Variants in TSC22D1 observed in about 807,000 individuals in gnomAD.
TSC22D1 encodes the protein TSC22 domain family member 1.
In TSC22D1, 9 loss-of-function variants were observed where a neutral mutation model predicts 74.2. The observed-to-expected ratio is 0.12, with a 90% confidence interval of 0.07 to 0.21. TSC22D1 has a LOEUF of 0.21. TSC22D1 is among the 10% of genes least tolerant of loss of function. The pLI, the probability that TSC22D1 is intolerant of heterozygous loss-of-function variation, is 1.00. For synonymous variants in TSC22D1, 586 were observed against 492.5 expected, an observed-to-expected ratio of 1.19 and a Z score of -2.51; for missense variants, 1,427 against 1,304.7, an observed-to-expected ratio of 1.09 and a Z score of -1.44.
At chr13:44,522,974 A>G (rs774534977) in intron 1 of TSC22D1, among the ~76,000 whole-genome samples, 13 of 152,058 alleles carry the variant, frequency 8.5e-5, no homozygotes, top group South Asian at 6.2e-4. Flanking sequence ...AACACACAAT[A>G]AAGAAAAAAT....
intron 1 of TSC22D1, among the ~76,000 whole-genome samples, chr13:44,460,080 C>T (rs889819569): frequency 6.6e-6 from 1 of 152,160 alleles, no homozygotes; most frequent in Admixed American, 6.5e-5. Flanking sequence ...AAGCGACACC[C>T]CAAGGATCCT....
chr13:44,551,208 T>C (rs1882214384), intron 1 of TSC22D1, among the ~76,000 whole-genome samples: 1 of 150,412 alleles, frequency 6.6e-6, no homozygotes, highest in African/African-American at 2.5e-5. Context: ...GGGGCAGAAG[T>C]GGCAGTGATC....
intron 1 of TSC22D1, among the ~76,000 whole-genome samples, chr13:44,495,588 A>G (rs1292224098): frequency 6.6e-6 from 1 of 152,226 alleles, no homozygotes; most frequent in Non-Finnish European, 1.5e-5. Flanking sequence ...ATCTACATAA[A>G]ACAATAATCA....
chr13:44,490,835 T>C (rs777540692), intron 1 of TSC22D1, among the ~76,000 whole-genome samples: 19 of 151,440 alleles, frequency 1.3e-4, no homozygotes, highest in Admixed American at 2.0e-4. Flanking sequence ...AGGTGGAGGT[T>C]GCGGTGAGCC....
chr13:44,441,182 A>G (rs1030057397), intron 1 of TSC22D1, among the ~76,000 whole-genome samples: 6 of 152,316 alleles, frequency 3.9e-5, no homozygotes, highest in Non-Finnish European at 8.8e-5. Flanking sequence ...GCTGCTGGAC[A>G]AGCCCAAGCT....
chr13:44,462,641 A>C (rs1323301515), intron 1 of TSC22D1, among the ~76,000 whole-genome samples: 1 of 152,194 alleles, frequency 6.6e-6, no homozygotes, highest in East Asian at 1.9e-4. Flanking sequence ...CAAGATCTGT[A>C]AAGTGTCCAT....
intron 1 of TSC22D1, among the ~76,000 whole-genome samples, chr13:44,455,490 T>C (rs1359636711): frequency 6.6e-6 from 1 of 152,242 alleles, no homozygotes; most frequent in Non-Finnish European, 1.5e-5. Flanking sequence ...GTTCTGCACT[T>C]AATAGCAATA....
At chr13:44,536,188 G>C (rs1443132315) in intron 1 of TSC22D1, among the ~76,000 whole-genome samples, 1 of 151,534 alleles carries the variant, frequency 6.6e-6, no homozygotes, top group African/African-American at 2.4e-5. Flanking sequence ...ATTTCTTTCA[G>C]AGTATTAATT....
intron 1 of TSC22D1, among the ~76,000 whole-genome samples, chr13:44,493,144 A>G (rs991113602): frequency 6.6e-6 from 1 of 152,228 alleles, no homozygotes; most frequent in Non-Finnish European, 1.5e-5. Flanking sequence ...GTTTACAGCA[A>G]CTAAGTAAAT....
At chr13:44,484,833 C>T (rs1366510514) in intron 1 of TSC22D1, among the ~76,000 whole-genome samples, 1 of 152,098 alleles carries the variant, frequency 6.6e-6, no homozygotes, top group East Asian at 1.9e-4. Context: ...GGACTGATTA[C>T]CAGAAGATAT....
intron 1 of TSC22D1, among the ~76,000 whole-genome samples, chr13:44,566,461 T>C (rs1331066145): frequency 1.3e-5 from 2 of 152,246 alleles, no homozygotes; most frequent in African/African-American, 4.8e-5. Context: ...ACTGAAATTC[T>C]GAATTACATA....
chr13:44,574,816 T>C lies in TSC22D1; in HGVS notation c.1259A>G (p.Lys420Arg), dbSNP rs762718964. The C allele has an allele frequency of 6.2e-7, 1 of 1,614,134 alleles. No homozygotes were observed. Among genetic ancestry groups the C allele is most frequent in the South Asian group, 1.1e-5 (1 of 91,086 alleles). Residue 420 changes from lysine to arginine, a missense_variant, in exon 1 of 3, where the codon AAA (lysine) becomes AGA (arginine). Transcript: ENST00000458659. ...CTCAGTGCAAGTCCATCTACCTTTT[T>C]TAAAGGGCTCAGAACTAGAATCTAA... is the stretch of plus-strand genomic sequence containing the variant. The part of the protein sequence containing the change: ...VKLDSSSEPF[K>R]KGRWTCTEFY...
chr13:44,456,711 G>C (rs746237584), intron 1 of TSC22D1, among the ~76,000 whole-genome samples: 33 of 152,024 alleles, frequency 2.2e-4, no homozygotes, highest in Admixed American at 1.3e-3. Flanking sequence ...AAAATAAGAG[G>C]AGGACAACAT....
At chr13:44,530,480 G>A (rs1028826044) in intron 1 of TSC22D1, among the ~76,000 whole-genome samples, 5 of 151,962 alleles carry the variant, frequency 3.3e-5, no homozygotes, top group Non-Finnish European at 7.4e-5. Flanking sequence ...GAAAATCTAG[G>A]TGGCCTTAAA....
At chr13:44,434,968 T>G (rs895681228) in intron 2 of TSC22D1, 85 bp from the exon 3 acceptor site, 1 of 1,171,772 alleles carries the variant, frequency 8.5e-7, no homozygotes, top group Admixed American at 2.2e-5. Context: ...TTTACATGGA[T>G]CTCCCTAACT....
intron 1 of TSC22D1, chr13:44,537,407 G>A: frequency 2.0e-6 from 2 of 985,042 alleles, no homozygotes; most frequent in Non-Finnish European, 2.4e-6. Flanking sequence ...AAGGAACAGA[G>A]CTAAAATTCA....
intron 1 of TSC22D1, among the ~76,000 whole-genome samples, chr13:44,438,616 G>C (rs1005683469): frequency 6.6e-6 from 1 of 151,874 alleles, no homozygotes; most frequent in Admixed American, 6.6e-5. Context: ...AAATTTTAAG[G>C]CTTGGCTTTT....
chr13:44,489,206 CAAA>C (rs34867283), intron 1 of TSC22D1, among the ~76,000 whole-genome samples: 15 of 134,680 alleles, frequency 1.1e-4, no homozygotes, highest in Non-Finnish European at 1.2e-4. Flanking sequence ...TCATTTCATG[CAAA>C]AAAAAAAAAA....
chr13:44,500,512 CTAAA>C (rs1286346438), intron 1 of TSC22D1, among the ~76,000 whole-genome samples: 1 of 152,186 alleles, frequency 6.6e-6, no homozygotes, highest in Admixed American at 6.5e-5. Context: ...TTATCTCACT[CTAAA>C]TAAATAATGT....
Sources: allele counts gnomAD v4.1 joint callset (sites outside exome capture counted in the v4.1 genomes callset), GRCh38; gene constraint gnomAD v4.1.1; transcripts MANE v1.5; gene names NCBI Gene and HGNC (gene_info 2026-07-23, HGNC 2026-07-21).